The following CDH1 variants were observed in gnomAD, a reference collection of about 807,000 sequenced individuals.
CDH1 encodes the protein cadherin 1, also known as cadherin-1.
Under a neutral mutation model 84.5 loss-of-function variants are expected in CDH1, and 35 were observed. The ratio of observed to expected loss-of-function variants is 0.41; its 90% CI spans 0.32 to 0.55. The LOEUF is 0.55. Among genes scored for constraint, CDH1 ranks in the 20% least tolerant of loss-of-function variants. CDH1 has a pLI of 0.19. For synonymous variants in CDH1, 417 were observed against 439.0 expected (o/e 0.95, Z 0.63); for missense variants, 994 against 1,126.6 (o/e 0.88, Z 1.68).
Position 68,737,966 on chromosome 16 carries a change from A to C in CDH1, c.49-331A>C, listed in dbSNP as rs1251080290. On this transcript the variant is annotated intron_variant, in intron 1 of 15. Transcript: ENST00000261769. ...GGAGGTGGGAGCGCCCCTCGCTCTG[A>C]GGAGTGGTGCATTCCCGGTCTAAGG... Among the ~76,000 whole-genome samples the C allele has an allele frequency of 2.0e-5, 3 of 152,186 alleles. No individual in the cohort carries two copies. The East Asian group carries it at 5.8e-4, about 29-fold the overall frequency.
chr16:68,787,984 C>G (rs932773202), intron 2 of CDH1, among the ~76,000 whole-genome samples: 1 of 152,070 alleles, frequency 6.6e-6, no homozygotes, highest in East Asian at 1.9e-4. Flanking sequence ...TGCCACCACG[C>G]CCCGCTAATT....
intron 12 of CDH1, chr16:68,822,810 G>A (rs923422070): frequency 2.9e-5 from 7 of 245,130 alleles, no homozygotes; most frequent in Non-Finnish European, 4.8e-5. Flanking sequence ...TGTGGCGGCC[G>A]CACTGTCTTC....
Position 68,822,139 on chromosome 16 carries a change from C to G in CDH1, c.1850C>G (p.Ala617Gly), listed in dbSNP as rs1596963675. ...CCTCAGGTCATAAACATCATTGATG[C>G]AGACCTTCCTCCCAATACATCTCCC... ...PKPQVINIID[A>G]DLPPNTSPFT... Residue 617 changes from alanine (A) to glycine (G), a missense_variant, in exon 12 of 16, where the codon GCA becomes GGA. By Grantham distance (60) the Ala-to-Gly change is moderately conservative. Transcript: ENST00000261769. The G allele has an allele frequency of 6.2e-7, 1 of 1,614,126 alleles. No homozygotes were observed. The highest frequency in any genetic ancestry group is 8.5e-7 in the Non-Finnish European group (1 of 1,179,984).
At chr16:68,811,150 C>T (rs1170734277) in intron 6 of CDH1, among the ~76,000 whole-genome samples, 1 of 152,004 alleles carries the variant, frequency 6.6e-6, no homozygotes, top group East Asian at 1.9e-4. Flanking sequence ...GTAACCCCAG[C>T]ACTTTGGGAG....
intron 2 of CDH1, among the ~76,000 whole-genome samples, chr16:68,795,702 A>T (rs1387104531): frequency 6.8e-6 from 1 of 146,552 alleles, no homozygotes; most frequent in Non-Finnish European, 1.5e-5. Flanking sequence ...CACCATGTTG[A>T]CCAGGCTGGT....
chr16:68,811,359 G>A (rs1960821564), intron 6 of CDH1, among the ~76,000 whole-genome samples: 1 of 135,416 alleles, frequency 7.4e-6, no homozygotes, highest in Non-Finnish European at 1.5e-5. Flanking sequence ...TCACGCCATT[G>A]CATTCCAGCC....
intron 2 of CDH1, among the ~76,000 whole-genome samples, chr16:68,800,046 A>C (rs998392575): frequency 1.4e-4 from 21 of 151,334 alleles, no homozygotes; most frequent in African/African-American, 4.4e-4. Context: ...AAAAAAAAAA[A>C]AAACCAAGGT....
chr16:68,815,868 AG>A, intron 10 of CDH1, 109 bp downstream of exon 10: 1 of 1,291,818 alleles, frequency 7.7e-7, no homozygotes. Flanking sequence ...TGTCTGTACA[AG>A]ACCATTCTCT....
intron 2 of CDH1, among the ~76,000 whole-genome samples, chr16:68,768,202 T>C (rs954480339): frequency 1.3e-5 from 2 of 152,180 alleles, no homozygotes; most frequent in Non-Finnish European, 2.9e-5. Context: ...CGCCTTGGCC[T>C]CCCGAAGTGC....
intron 12 of CDH1, chr16:68,822,590 T>C (rs767048283): frequency 4.5e-5 from 22 of 485,556 alleles, no homozygotes; most frequent in Non-Finnish European, 7.1e-5. Context: ...AATCGTGAGC[T>C]CCCAGATTCA....
At chr16:68,755,422 AAAAT>A (rs1962993813) in intron 2 of CDH1, among the ~76,000 whole-genome samples, 2 of 151,862 alleles carry the variant, frequency 1.3e-5, no homozygotes, top group Non-Finnish European at 2.9e-5. Flanking sequence ...ATTTTTTGTT[AAAAT>A]AAATAGAGAG....
chr16:68,785,843 T>G (rs929636672), intron 2 of CDH1, among the ~76,000 whole-genome samples: 1 of 152,276 alleles, frequency 6.6e-6, no homozygotes, highest in Non-Finnish European at 1.5e-5. Context: ...GCCCATGTTT[T>G]GCTAGCACAA....
chr16:68,794,462 G>T lies in CDH1; in HGVS notation c.164-7208G>T, dbSNP rs565129999. On this transcript the variant is annotated intron_variant, in intron 2 of 15. Coordinates refer to ENST00000261769, the MANE Select transcript of CDH1 (RefSeq NM_004360.5). ...AACATGCCCTAAGTGTGGACAAACT[G>T]GAGGCCTAATTGTTCTTTCCTTTGC... is the stretch of plus-strand genomic sequence containing the variant. Among the ~76,000 whole-genome samples the T allele has an allele frequency of 2.0e-5, 3 of 152,126 alleles. No individual in the cohort carries two copies. In the East Asian group the frequency reaches 5.8e-4, roughly 29 times the overall value.
At position 68,783,912 on chromosome 16, in the gene CDH1, A is replaced by G. The variant is rs1227352890; in HGVS notation, c.164-17758A>G. Among the ~76,000 whole-genome samples the G allele has an allele frequency of 3.9e-5, 6 of 152,190 alleles. No homozygotes were observed. The East Asian group carries it at 1.2e-3, about 29-fold the overall frequency. Reference sequence around the variant, plus strand: ...GGCTGGTCCTGAACTCCTGACCTCAAGCAATCTACCCACCTCGGCCTCCCA... The same window carrying G: ...GGCTGGTCCTGAACTCCTGACCTCAGGCAATCTACCCACCTCGGCCTCCCA... On this transcript the variant is annotated intron_variant, in intron 2 of 15. Transcript: ENST00000261769.
chr16:68,812,365 C>G (rs1450433560), intron 8 of CDH1, 102 bp downstream of exon 8: 5 of 1,245,322 alleles, frequency 4.0e-6, no homozygotes, highest in Non-Finnish European at 5.9e-6. Flanking sequence ...AAAACTCTCT[C>G]CAGACTAGAG....
chr16:68,798,054 G>A (rs1226752056), intron 2 of CDH1, among the ~76,000 whole-genome samples: 1 of 151,536 alleles, frequency 6.6e-6, no homozygotes, highest in Admixed American at 6.6e-5. Flanking sequence ...ACTCCAGCCT[G>A]GGTGACAGAG....
chr16:68,742,971 G>T (rs957427204), intron 2 of CDH1, among the ~76,000 whole-genome samples: 1 of 152,214 alleles, frequency 6.6e-6, no homozygotes, highest in Non-Finnish European at 1.5e-5. Context: ...TTGCCTTTGT[G>T]TCTCTGGAGG....
intron 2 of CDH1, among the ~76,000 whole-genome samples, chr16:68,790,344 A>G (rs1458758361): frequency 6.6e-6 from 1 of 152,166 alleles, no homozygotes; most frequent in Non-Finnish European, 1.5e-5. Flanking sequence ...AGAAAGAAAA[A>G]GGAGGAAGAA....
intron 2 of CDH1, among the ~76,000 whole-genome samples, chr16:68,738,899 G>T (rs1196224332): frequency 7.2e-6 from 1 of 138,014 alleles, no homozygotes; most frequent in Admixed American, 7.6e-5. Flanking sequence ...CCCTCTCTTG[G>T]TTACTGGGCT....
Sources: allele counts gnomAD v4.1 joint callset (sites outside exome capture counted in the v4.1 genomes callset), GRCh38; gene constraint gnomAD v4.1.1; transcripts MANE v1.5; gene names NCBI Gene and HGNC (gene_info 2026-07-23, HGNC 2026-07-21).